Variants in DENND2B observed in about 807,000 individuals in gnomAD.
DENND2B encodes DENN domain containing 2B.
DENND2B carries 32 observed loss-of-function variants against 116.0 expected under a neutral mutation model. The ratio of observed to expected loss-of-function variants is 0.28; its 90% CI spans 0.21 to 0.37. The LOEUF is 0.37. DENND2B is among the 10% of genes least tolerant of loss of function. The pLI is 1.00. For missense variants in DENND2B, 1,276 were observed against 1,477.7 expected (o/e 0.86, Z 2.24); for synonymous variants, 588 against 583.9 (o/e 1.01, Z -0.10).
At chr11:8,701,977 T>C (rs2041783765) in intron 14 of DENND2B, among the ~76,000 whole-genome samples, 1 of 152,184 alleles carries the variant, frequency 6.6e-6, no homozygotes, top group African/African-American at 2.4e-5. Context: ...CGGTGTGGGC[T>C]GGCCAGCCTT....
chr11:8,721,614 C>A (rs916573800), intron 4 of DENND2B, among the ~76,000 whole-genome samples: 7 of 152,224 alleles, frequency 4.6e-5, no homozygotes, highest in African/African-American at 1.7e-4. Context: ...GGCAACAGAT[C>A]AGACTGGGGC....
At chr11:8,832,743 G>A (rs1244910979) in intron 4 of DENND2B, among the ~76,000 whole-genome samples, 2 of 152,220 alleles carry the variant, frequency 1.3e-5, no homozygotes, top group Non-Finnish European at 2.9e-5. Context: ...GGCCCTGACT[G>A]GGAGGCACTG....
At chr11:8,877,271 T>A (rs2134721921) in intron 2 of DENND2B, 1 of 151,752 alleles carries the variant, frequency 6.6e-6, no homozygotes, top group East Asian at 2.0e-4. Flanking sequence ...GCCCAGCTAA[T>A]TTTTTTTGTA....
At chr11:8,907,264 G>A (rs2064251054) in intron 1 of DENND2B, among the ~76,000 whole-genome samples, 1 of 152,064 alleles carries the variant, frequency 6.6e-6, no homozygotes, top group Non-Finnish European at 1.5e-5. Context: ...TGTTGACCAG[G>A]CACATTCCTA....
chr11:8,881,282 C>T (rs1020999119), intron 1 of DENND2B, among the ~76,000 whole-genome samples: 8 of 152,070 alleles, frequency 5.3e-5, no homozygotes, highest in African/African-American at 1.7e-4. Context: ...TCTGGAGGCT[C>T]ATGTTCTATA....
chr11:8,725,379 T>C (rs2046920356), intron 4 of DENND2B, among the ~76,000 whole-genome samples: 4 of 151,834 alleles, frequency 2.6e-5, no homozygotes, highest in South Asian at 4.2e-4. Flanking sequence ...ATATTACTTT[T>C]TTTTTTTTTT....
chr11:8,700,268 C>T (rs1207415666), intron 14 of DENND2B, among the ~76,000 whole-genome samples: 1 of 152,156 alleles, frequency 6.6e-6, no homozygotes, highest in Non-Finnish European at 1.5e-5. Flanking sequence ...AACTGCTGTA[C>T]CCAGCTCATT....
At position 8,899,962 on chromosome 11, in the gene DENND2B, G is replaced by C. The variant is rs141449795; in HGVS notation, c.-256+10859C>G. On this transcript the variant is annotated intron_variant, in intron 1 of 22. Transcript: ENST00000534127. ...GGATATGGAGTTATATTGGACAGAA[G>C]TGTCTATATTTCACCTAAATTAAGT... 6.6e-5 allele frequency among the ~76,000 whole-genome samples: 10 copies of C among 152,290 alleles called. No individual in the cohort carries two copies. The East Asian group carries it at 7.7e-4, about 12-fold the overall frequency.
chr11:8,702,237 A>G lies in DENND2B; in HGVS notation c.2720+335T>C, dbSNP rs938220260. ...TGCCTCCCCCTCCAGAAGAAATGCA[A>G]CCATCCACCAAAAATCTCAATTTCT... On this transcript the variant is annotated intron_variant, in intron 14 of 19. Transcript: ENST00000313726. This position sits in a 1 kb window ranked among gnomAD's most constrained non-coding sequence, Gnocchi z 4.6. Among the ~76,000 whole-genome samples, 1 of 152,148 alleles carries G rather than the reference A, an allele frequency of 6.6e-6. No homozygotes were observed. Among genetic ancestry groups the G allele is most frequent in the African/African-American group, 2.4e-5 (1 of 41,422 alleles).
At chr11:8,884,474 G>A (rs11042108) in intron 1 of DENND2B, among the ~76,000 whole-genome samples, 25,210 of 152,004 alleles carry the variant, frequency 0.17, 2,242 homozygotes, top group East Asian at 0.31. Context: ...GTGTAGGCAC[G>A]AGCCACCACA....
rs1430252993 is a variant in DENND2B, at chr11:8,776,622, T to G, written c.-25-25897A>C. The stretch of plus-strand genomic sequence containing the variant: ...TGAAACCCAGCTAGATGGGGTCTTC[T>G]TACCTTTCAAGACTTCAACCTTTCA... On this transcript the variant is annotated intron_variant, in intron 1 of 19. Transcript: ENST00000313726. 3 of 202,980 alleles carry G rather than the reference T, an allele frequency of 1.5e-5. No individual in the cohort carries two copies. In the South Asian group the frequency reaches 2.8e-4, roughly 19 times the overall value. The allele number at this position is 202,980 out of a possible 1,614,324, so 12.6% of individuals were successfully genotyped here. A position where few individuals can be genotyped will look rare whatever the true frequency, so the allele number is the denominator to read the frequency against.
upstream of DENND2B, among the ~76,000 whole-genome samples, chr11:8,813,750 C>A (rs996380849): frequency 2.6e-5 from 4 of 152,132 alleles, no homozygotes; most frequent in African/African-American, 4.8e-5. Flanking sequence ...ACCCAGAATG[C>A]GGGCCATGCT....
At chr11:8,760,260 C>G (rs1243450073) in intron 1 of DENND2B, among the ~76,000 whole-genome samples, 1 of 152,158 alleles carries the variant, frequency 6.6e-6, no homozygotes, top group Non-Finnish European at 1.5e-5. Context: ...TTCCCCTGAC[C>G]TGCCCACACA....
In DENND2B at chr11:8,697,987, C is replaced by CA. The variant is rs1341910071; in HGVS notation, c.2941-352dup. 9.1e-6 allele frequency: 4 copies of CA among 441,102 alleles called. No individual in the cohort carries two copies. In the East Asian group the frequency reaches 2.0e-4, roughly 22 times the overall value. 27.3% of individuals were successfully genotyped at this position (441,102 alleles called of 1,614,324 possible). A position where few individuals can be genotyped will look rare whatever the true frequency, so the allele number is the denominator to read the frequency against. On this transcript the variant is annotated intron_variant, in intron 16 of 19. Coordinates refer to ENST00000313726, the MANE Select transcript of DENND2B (RefSeq NM_213618.2). ...TATCTGCAAAACACACACAAAAAAA[C>CA]AATTAGTCAAGTATGGTGGCATGCA...
intron 1 of DENND2B, among the ~76,000 whole-genome samples, chr11:8,897,671 A>G (rs2064119662): frequency 6.6e-6 from 1 of 152,214 alleles, no homozygotes; most frequent in Non-Finnish European, 1.5e-5. Context: ...GTACAAGGGC[A>G]CGGTTATGCA....
chr11:8,762,847 C>T lies in DENND2B; in HGVS notation c.-25-12122G>A, dbSNP rs545242516. Among the ~76,000 whole-genome samples, 9 of 152,176 alleles carry T rather than the reference C, an allele frequency of 5.9e-5. No individual in the cohort carries two copies. The South Asian group carries it at 8.3e-4, about 14-fold the overall frequency. ...TACACTCCAGCCTGGGCAACAAGAG[C>T]GAAACTGCATCTCAAACAAAAAGTG... On this transcript the variant is annotated intron_variant, in intron 1 of 19. Transcript: ENST00000313726.
chr11:8,703,704 C>T (rs933258332), intron 13 of DENND2B: 18 of 152,218 alleles, frequency 1.2e-4, no homozygotes, highest in African/African-American at 3.9e-4. Context: ...CTCATTTGTT[C>T]CTCAGAGTCT....
chr11:8,708,080 T>C, intron 11 of DENND2B: 1 of 1,463,066 alleles, frequency 6.8e-7, no homozygotes, highest in Non-Finnish European at 9.0e-7. Flanking sequence ...GGTACCAGGC[T>C]CCTGCCAGGC....
intron 1 of DENND2B, among the ~76,000 whole-genome samples, chr11:8,797,448 CTTCTTCCTCCTTCTTCCCCT>C (rs1323290488): frequency 2.0e-4 from 25 of 127,614 alleles, no homozygotes; most frequent in South Asian, 9.4e-4. Flanking sequence ...CTTCTTCCCC[CTTCTTCCTCCTTCTTCCCCT>C]TTCTTCCCCT....
Sources: gnomAD v4.1 joint callset for allele counts (sites outside exome capture counted in the v4.1 genomes callset) on GRCh38, gnomAD v4.1.1 for gene constraint, Gnocchi (gnomAD v3.1) non-coding constraint, MANE v1.5 for transcripts, NCBI Gene and HGNC (gene_info 2026-07-23, HGNC 2026-07-21) for gene names.